Variants in CREB5 observed in about 807,000 individuals in gnomAD.
CREB5 encodes the protein cyclic AMP-responsive element-binding protein 5.
Under a neutral mutation model 57.1 loss-of-function variants are expected in CREB5, and 19 were observed. The ratio of observed to expected loss-of-function variants is 0.33; its 90% CI spans 0.23 to 0.49. CREB5 has a LOEUF of 0.49. CREB5 is among the 20% of genes least tolerant of loss of function. The pLI is 0.99. For missense variants in CREB5, 579 were observed against 671.6 expected (o/e 0.86, Z 1.52); for synonymous variants, 238 against 238.3 (o/e 1.00, Z 0.01).
intron 5 of CREB5, among the ~76,000 whole-genome samples, chr7:28,616,582 T>C (rs1250706390): frequency 2.0e-5 from 3 of 152,128 alleles, no homozygotes; most frequent in African/African-American, 7.2e-5. Flanking sequence ...GGGTCTTGAC[T>C]CAACCTCTGG....
intron 4 of CREB5, among the ~76,000 whole-genome samples, chr7:28,551,874 C>CTTTCTTTCT (rs4000596): frequency 0.2 from 27,904 of 139,116 alleles, 3,031 homozygotes; most frequent in East Asian, 0.45. Context: ...CTTTCTTTTT[C>CTTTCTTTCT]TTTCTTTCTT....
chr7:28,405,171 C>A (rs996910131), intron 1 of CREB5, among the ~76,000 whole-genome samples: 1 of 152,166 alleles, frequency 6.6e-6, no homozygotes, highest in African/African-American at 2.4e-5. Context: ...AATGAAGAAA[C>A]CTGGTGAAGA....
At chr7:28,630,508 G>C (rs79342017) in intron 5 of CREB5, among the ~76,000 whole-genome samples, 1 of 152,262 alleles carries the variant, frequency 6.6e-6, no homozygotes, top group African/African-American at 2.4e-5. Flanking sequence ...AAAAACATAT[G>C]TTTTTCATTT....
chr7:28,632,773 C>T (rs552677526), intron 5 of CREB5, among the ~76,000 whole-genome samples: 4 of 152,290 alleles, frequency 2.6e-5, no homozygotes, highest in Admixed American at 6.5e-5. Context: ...CTCAGTCACC[C>T]TCCATGACAT....
chr7:28,560,462 G>A (rs10231754), intron 4 of CREB5, among the ~76,000 whole-genome samples: 1 of 151,800 alleles, frequency 6.6e-6, no homozygotes, highest in South Asian at 2.1e-4. Context: ...CATTAGGAAA[G>A]TGCTGAATTA....
At chr7:28,806,711 C>A (rs1352270474) in intron 8 of CREB5, among the ~76,000 whole-genome samples, 1 of 152,142 alleles carries the variant, frequency 6.6e-6, no homozygotes, top group Non-Finnish European at 1.5e-5. Context: ...CTTAATCAAT[C>A]CTGAACCTAA....
At chr7:28,303,214 C>T (rs1785130422) in intron 1 of CREB5, among the ~76,000 whole-genome samples, 1 of 151,650 alleles carries the variant, frequency 6.6e-6, no homozygotes, top group African/African-American at 2.4e-5. Context: ...GTTTAGTAAG[C>T]AGACTACGAT....
At position 28,697,832 on chromosome 7, in the gene CREB5, G is replaced by A. The variant is rs554389205; in HGVS notation, c.465-20921G>A. Among the ~76,000 whole-genome samples the A allele has an allele frequency of 2.6e-4, 39 of 152,276 alleles. 1 individual carries two copies. In the South Asian group the frequency reaches 7.3e-3, roughly 28 times the overall value. Reference sequence around the variant, plus strand: ...AGTTGATGTATGAGCAGGTGGACACGTGTGGATGTTTATTTATGTCATTGT... The same window carrying A: ...AGTTGATGTATGAGCAGGTGGACACATGTGGATGTTTATTTATGTCATTGT... On this transcript the variant is annotated intron_variant, in intron 5 of 10. Coordinates refer to ENST00000357727, the MANE Select transcript of CREB5 (RefSeq NM_182898.4).
At chr7:28,364,626 A>C (rs1786552617) in intron 1 of CREB5, among the ~76,000 whole-genome samples, 2 of 152,118 alleles carry the variant, frequency 1.3e-5, no homozygotes, top group Non-Finnish European at 1.5e-5. Flanking sequence ...TGGCACTCTC[A>C]GTCTGTCATC....
intron 3 of CREB5, among the ~76,000 whole-genome samples, chr7:28,499,709 G>T (rs557358536): frequency 6.6e-6 from 1 of 152,262 alleles, no homozygotes; most frequent in East Asian, 1.9e-4. Flanking sequence ...TCAGCCTCCT[G>T]ACTAGCTGGG....
rs1395767512 is a variant in CREB5 at position 28,560,969 on chromosome 7, T to TGCGC, written c.292-9395_292-9394insCGCG. 9.4e-3 allele frequency among the ~76,000 whole-genome samples: 235 copies of TGCGC among 24,898 alleles called. 24 individuals carry two copies. The highest frequency in any genetic ancestry group is 0.025 in the Middle Eastern group (1 of 40). The allele number at this position is 24,898 out of a possible 152,430, so 16.3% of individuals were successfully genotyped here. On this transcript the variant is annotated intron_variant, in intron 4 of 10. Transcript: ENST00000357727. ...GTGTGTGCGTGTGTGTGCGTGTGTG[T>TGCGC]GTGCGTGTGTGCGTGCGTGTGTGTG...
At chr7:28,786,782 C>T (rs1219912504) in intron 7 of CREB5, among the ~76,000 whole-genome samples, 3 of 152,186 alleles carry the variant, frequency 2.0e-5, no homozygotes, top group Admixed American at 1.3e-4. Flanking sequence ...TCAGGGCCCA[C>T]TATCATTGTT....
intron 7 of CREB5, among the ~76,000 whole-genome samples, chr7:28,746,985 T>C (rs1804714897): frequency 1.3e-5 from 2 of 152,218 alleles, no homozygotes; most frequent in South Asian, 4.1e-4. Flanking sequence ...ACAAGGCAGA[T>C]TCTTTTCTTC....
intron 1 of CREB5, among the ~76,000 whole-genome samples, chr7:28,465,204 G>A (rs531530534): frequency 6.6e-6 from 1 of 152,284 alleles, no homozygotes; most frequent in Non-Finnish European, 1.5e-5. Flanking sequence ...TAGAGAGTGA[G>A]GAAGACATTT....
At chr7:28,658,977 A>ATG (rs1384603425) in intron 5 of CREB5, among the ~76,000 whole-genome samples, 5 of 128,760 alleles carry the variant, frequency 3.9e-5, no homozygotes, top group African/African-American at 1.4e-4. Flanking sequence ...ATATATATAT[A>ATG]TATGTATATA....
intron 5 of CREB5, among the ~76,000 whole-genome samples, chr7:28,580,134 G>A (rs777081192): frequency 6.6e-6 from 1 of 152,158 alleles, no homozygotes; most frequent in African/African-American, 2.4e-5. Context: ...TGTTGAGTCA[G>A]TGTATATTTA....
chr7:28,601,670 G>A (rs1466184561), intron 5 of CREB5, among the ~76,000 whole-genome samples: 2 of 152,124 alleles, frequency 1.3e-5, no homozygotes, highest in African/African-American at 4.8e-5. Flanking sequence ...AACAGAAGAG[G>A]AAAGACAGAA....
intron 5 of CREB5, among the ~76,000 whole-genome samples, chr7:28,603,148 T>A (rs373688936): frequency 6.6e-6 from 1 of 152,224 alleles, no homozygotes; most frequent in African/African-American, 2.4e-5. Context: ...CAGGCACTCA[T>A]GATAATCACT....
intron 1 of CREB5, among the ~76,000 whole-genome samples, chr7:28,428,772 T>C (rs1485942753): frequency 5.3e-5 from 8 of 152,134 alleles, no homozygotes; most frequent in Non-Finnish European, 1.2e-4. Flanking sequence ...ATCAGGATCA[T>C]AGTCTTGGGC....
Sources: allele counts gnomAD v4.1 joint callset (sites outside exome capture counted in the v4.1 genomes callset), GRCh38; gene constraint gnomAD v4.1.1; transcripts MANE v1.5; gene names NCBI Gene and HGNC (gene_info 2026-07-23, HGNC 2026-07-21).